Variants in SHLD1 observed in about 807,000 individuals in gnomAD.
SHLD1 encodes RINN1-REV7-interacting novel NHEJ regulator 3.
In SHLD1, 3 loss-of-function variants were observed where a neutral mutation model predicts 5.5. That is an observed-to-expected ratio of 0.54 (90% CI 0.25 to 1.40). The LOEUF is 1.40. Ranked by LOEUF, SHLD1 falls within the 40% of genes most tolerant of loss-of-function variation. SHLD1 has a pLI of 0.15. For synonymous variants in SHLD1, 92 were observed against 94.3 expected (o/e 0.98, Z 0.14); for missense variants, 210 against 244.4 (o/e 0.86, Z 0.94).
chr20:5,860,050 G>C (rs913542750), intron 2 of SHLD1, among the ~76,000 whole-genome samples: 1 of 152,092 alleles, frequency 6.6e-6, no homozygotes, highest in Non-Finnish European at 1.5e-5. Context: ...TTGTTGGTGG[G>C]CATCCCCCGC....
At chr20:5,812,742 TG>T (rs1226201015) in intron 2 of SHLD1, among the ~76,000 whole-genome samples, 3 of 152,220 alleles carry the variant, frequency 2.0e-5, no homozygotes, top group Admixed American at 6.5e-5. Flanking sequence ...GGGTTGTGAA[TG>T]TTGTCCCTTC....
At chr20:5,837,471 C>G (rs184654291) in intron 2 of SHLD1, among the ~76,000 whole-genome samples, 1 of 152,170 alleles carries the variant, frequency 6.6e-6, no homozygotes, top group African/African-American at 2.4e-5. Flanking sequence ...CCACACACCC[C>G]CCACCTCCAA....
In SHLD1 at chr20:5,863,576, A is replaced by G; in HGVS notation, c.*113A>G. ...TGGCCAGCTCTGTGTGCCCAATCCC[A>G]ATTAAGTGCTTTGAGGTTAAAGGCT... is the stretch of plus-strand genomic sequence containing the variant. On this transcript the variant is annotated 3_prime_UTR_variant, in exon 3 of 3. Coordinates refer to ENST00000303142, the MANE Select transcript of SHLD1 (RefSeq NM_152504.4). 1.8e-6 allele frequency: 2 copies of G among 1,083,644 alleles called. No individual in the cohort carries two copies. The highest frequency in any genetic ancestry group is 2.6e-6 in the Non-Finnish European group (2 of 754,794). The allele number at this position is 1,083,644 out of a possible 1,614,324, so 67.1% of individuals were successfully genotyped here. A position where few individuals can be genotyped will look rare whatever the true frequency, so the allele number is the denominator to read the frequency against.
chr20:5,785,720 C>T (rs1000646468), intron 2 of SHLD1, among the ~76,000 whole-genome samples: 4 of 147,402 alleles, frequency 2.7e-5, no homozygotes, highest in Admixed American at 1.4e-4. Flanking sequence ...TGCTTGAACC[C>T]GGGAGACAGA....
At chr20:5,754,777 C>T (rs548178701) in intron 1 of SHLD1, among the ~76,000 whole-genome samples, 10 of 152,096 alleles carry the variant, frequency 6.6e-5, no homozygotes, top group East Asian at 1.9e-4. Flanking sequence ...TGAGTTGGGC[C>T]GGGCGTGGTG....
chr20:5,858,088 G>A (rs2088113413), intron 2 of SHLD1, among the ~76,000 whole-genome samples: 1 of 130,168 alleles, frequency 7.7e-6, no homozygotes, highest in Non-Finnish European at 1.6e-5. Context: ...GACAGAGTGA[G>A]ACTCCATCTC....
intron 1 of SHLD1, among the ~76,000 whole-genome samples, chr20:5,755,055 CA>C (rs61439374): frequency 0.42 from 55,928 of 134,090 alleles, 11,187 homozygotes; most frequent in African/African-American, 0.54. Flanking sequence ...GACCCTGTCT[CA>C]AAAAAAAAAA....
At chr20:5,818,770 T>G (rs1394030269) in intron 2 of SHLD1, among the ~76,000 whole-genome samples, 1 of 152,096 alleles carries the variant, frequency 6.6e-6, no homozygotes, top group Non-Finnish European at 1.5e-5. Flanking sequence ...GGCGATGATG[T>G]TGGGGGTCAT....
At position 5,863,133 on chromosome 20, in the gene SHLD1, G is replaced by A; in HGVS notation, c.288G>A (p.Arg96=). ...AGAAGGAAGAGGATGATGGCCTTCG[G>A]AAATCCCTGGATAGATTCTATGAAA... ...QSEKEEDDGL[R]KSLDRFYEMF... Residue 96 remains arginine (R), a synonymous_variant, in exon 3 of 3, where the codon CGG becomes CGA. Transcript: ENST00000303142. 1.2e-6 allele frequency: 2 copies of A among 1,614,168 alleles called. No homozygotes were observed. The highest frequency in any genetic ancestry group is 1.7e-6 in the Non-Finnish European group (2 of 1,180,018).
rs2088075134 is a variant in SHLD1, at chr20:5,855,783, A to G, written c.179-7241A>G. On this transcript the variant is annotated intron_variant, in intron 2 of 2. Transcript: ENST00000303142. The surrounding 1 kb of genome is among the most constrained non-coding windows in gnomAD (Gnocchi z 4.4). ...TTGAAATAGTGTGCCCAGGAAATGT[A>G]TGGTAAACTGAATTATTGTTCACCA... is the stretch of plus-strand genomic sequence containing the variant. Among the ~76,000 whole-genome samples the G allele has an allele frequency of 6.6e-6, 1 of 152,234 alleles. No individual in the cohort carries two copies. The highest frequency in any genetic ancestry group is 1.5e-5 in the Non-Finnish European group (1 of 68,040).
intron 2 of SHLD1, among the ~76,000 whole-genome samples, chr20:5,784,739 C>T (rs925288855): frequency 5.3e-5 from 8 of 152,326 alleles, no homozygotes; most frequent in Non-Finnish European, 7.3e-5. Flanking sequence ...CGTGAGCCAC[C>T]GCGCCCGGCC....
intron 1 of SHLD1, among the ~76,000 whole-genome samples, chr20:5,756,150 T>C (rs1600084760): frequency 6.6e-6 from 1 of 152,138 alleles, no homozygotes; most frequent in South Asian, 2.1e-4. Flanking sequence ...CTTTCCATCA[T>C]CGCCTGAACT....
chr20:5,848,218 A>G (rs773561158), intron 2 of SHLD1, among the ~76,000 whole-genome samples: 6 of 152,226 alleles, frequency 3.9e-5, no homozygotes, highest in African/African-American at 7.2e-5. Flanking sequence ...ATGTGTGTGT[A>G]TGTGTGTATA....
chr20:5,773,134 G>T, intron 2 of SHLD1, 91 bp downstream of exon 2: 1 of 1,380,482 alleles, frequency 7.2e-7, no homozygotes, highest in South Asian at 1.2e-5. Context: ...TCCAATAGCA[G>T]ATCTCTGAGA....
At chr20:5,839,976 G>A (rs1454522964) in intron 2 of SHLD1, among the ~76,000 whole-genome samples, 1 of 152,148 alleles carries the variant, frequency 6.6e-6, no homozygotes, top group African/African-American at 2.4e-5. Flanking sequence ...GTAAATTAAT[G>A]ACATCTGTTT....
intron 2 of SHLD1, among the ~76,000 whole-genome samples, chr20:5,843,759 A>G (rs1361565796): frequency 6.6e-6 from 1 of 152,248 alleles, no homozygotes; most frequent in Admixed American, 6.5e-5. Context: ...AAGGATTTTC[A>G]GAATATCTTG....
chr20:5,808,112 T>G (rs915086041), intron 2 of SHLD1, among the ~76,000 whole-genome samples: 6 of 152,066 alleles, frequency 3.9e-5, no homozygotes, highest in Admixed American at 3.3e-4. Flanking sequence ...AGACCCTGTC[T>G]TTACTAAAAA....
intron 1 of SHLD1, among the ~76,000 whole-genome samples, chr20:5,751,479 G>C (rs978271854): frequency 3.9e-5 from 6 of 151,990 alleles, no homozygotes; most frequent in African/African-American, 7.2e-5. Context: ...ACTAATTTTT[G>C]TATTTTTAGT....
chr20:5,767,196 A>T (rs1244880760), intron 1 of SHLD1, among the ~76,000 whole-genome samples: 1 of 151,974 alleles, frequency 6.6e-6, no homozygotes, highest in Non-Finnish European at 1.5e-5. Flanking sequence ...GTGCAGTGGC[A>T]CAATCTCGCA....
Sources: allele counts gnomAD v4.1 joint callset (sites outside exome capture counted in the v4.1 genomes callset), GRCh38; gene constraint gnomAD v4.1.1; non-coding constraint Gnocchi (gnomAD v3.1); transcripts MANE v1.5; gene names NCBI Gene and HGNC (gene_info 2026-07-23, HGNC 2026-07-21).